The following ADGRV1 variants were observed in gnomAD, a reference collection of about 807,000 sequenced individuals.
ADGRV1 encodes adhesion G protein-coupled receptor V1.
A neutral mutation model predicts 596.2 loss-of-function variants in ADGRV1; 359 were observed. The observed-to-expected ratio is 0.60, with a 90% CI of 0.55 to 0.66. The LOEUF (loss-of-function observed/expected upper bound fraction) is 0.66. Among genes scored for constraint, ADGRV1 ranks in the 30% least tolerant of loss-of-function variants. The pLI, the probability that ADGRV1 is intolerant of heterozygous loss-of-function variation, is 0.00. For missense variants in ADGRV1, 7,274 were observed against 7,575.6 expected, an observed-to-expected ratio of 0.96 and a Z score of 1.48; for synonymous variants, 2,681 against 2,679.2, an observed-to-expected ratio of 1.00 and a Z score of -0.02.
At chr5:90,725,877 T>A (rs1206531614) in intron 48 of ADGRV1, among the ~76,000 whole-genome samples, 2 of 152,164 alleles carry the variant, frequency 1.3e-5, no homozygotes, top group East Asian at 3.9e-4. Flanking sequence ...AATGTAACAA[T>A]AAAAATGAAC....
rs1319808674 is a variant in ADGRV1, at chr5:90,941,730, T to C, written c.17857-23685T>C. Among the ~76,000 whole-genome samples, 4 of 152,322 alleles carry C rather than the reference T, an allele frequency of 2.6e-5. No individual in the cohort carries two copies. The East Asian group carries it at 5.8e-4, about 22-fold the overall frequency. Reference sequence around the variant, plus strand: ...CTCACCAGTTGAGTTCAGGTGCATATGAAATAAAACCCACAGCTAAGTTAG... The same window carrying C: ...CTCACCAGTTGAGTTCAGGTGCATACGAAATAAAACCCACAGCTAAGTTAG... On this transcript the variant is annotated intron_variant, in intron 83 of 89. Coordinates refer to ENST00000405460, the MANE Select transcript of ADGRV1 (RefSeq NM_032119.4).
rs758664211 is a variant in ADGRV1 at position 90,810,820 on chromosome 5, C to T, written c.15560C>T (p.Ala5187Val). ...GTTACTGAGGCAACTGGTGTATCTG[C>T]CATCCCTGAGAAACTTGTCACCCTT... ...AIVTEATGVS[A>V]IPEKLVTLHG... Residue 5187 changes from alanine (A) to valine (V), a missense_variant, in exon 74 of 90, where the codon GCC (alanine) becomes GTC (valine). By Grantham distance (64) the Ala-to-Val change is moderately conservative. Coordinates refer to ENST00000405460, the MANE Select transcript of ADGRV1 (RefSeq NM_032119.4). The T allele has an allele frequency of 5.6e-6, 9 of 1,614,022 alleles. No individual in the cohort carries two copies. The South Asian group carries it at 9.9e-5, about 18-fold the overall frequency.
chr5:90,614,211 C>T, intron 1 of ADGRV1: 1 of 365,920 alleles, frequency 2.7e-6, no homozygotes, highest in Non-Finnish European at 5.2e-6. Flanking sequence ...TATACTTTGG[C>T]AAATTTAAAG....
intron 21 of ADGRV1, among the ~76,000 whole-genome samples, chr5:90,661,140 T>C (rs1770226365): frequency 6.6e-6 from 1 of 152,208 alleles, no homozygotes; most frequent in African/African-American, 2.4e-5. Context: ...TATTTTGTTG[T>C]TCTGTGTATT....
intron 86 of ADGRV1, among the ~76,000 whole-genome samples, chr5:91,089,425 T>TA (rs11403493): frequency 0.11 from 16,865 of 149,892 alleles, 1,296 homozygotes; most frequent in Admixed American, 0.25. Context: ...GCAAGGGAAG[T>TA]AAAAAAAAAA....
intron 67 of ADGRV1, 138 bp downstream of exon 67, chr5:90,784,195 C>G: frequency 1.7e-6 from 1 of 605,444 alleles, no homozygotes; most frequent in Non-Finnish European, 2.8e-6. Flanking sequence ...TGTACAGCAG[C>G]TTTTGAGCCA....
chr5:91,040,630 T>C (rs1785261675), intron 85 of ADGRV1, among the ~76,000 whole-genome samples: 1 of 152,204 alleles, frequency 6.6e-6, no homozygotes, highest in Non-Finnish European at 1.5e-5. Flanking sequence ...GCCAACTTTC[T>C]AGCTGCTGTG....
At chr5:90,849,674 G>A (rs1431974031) in intron 79 of ADGRV1, among the ~76,000 whole-genome samples, 3 of 152,154 alleles carry the variant, frequency 2.0e-5, no homozygotes, top group East Asian at 3.8e-4. Flanking sequence ...ACAAGCGTGA[G>A]CCACTGTGCC....
chr5:90,672,565 C>T lies in ADGRV1; in HGVS notation c.4772C>T (p.Thr1591Ile), dbSNP rs1446233406. The change falls in exon 22 of 90, where the codon ACC becomes ATC. Residue 1591 changes from threonine to isoleucine, a missense_variant. By Grantham distance (89) the Thr-to-Ile change is moderately conservative. Around this residue, in one of 5 missense-constraint regions of ADGRV1, gnomAD observed 3,643 missense variants for 3,809.2 expected, o/e 0.96. Transcript: ENST00000405460. The part of the protein sequence containing the change: ...CIPEIAEEGS[T>I]ISCVVERTRG... ...TTTCAGATTGCAGAGGAGGGATCAACCATTTCTTGTGTGGTTGAGAGAACC... is the reference window on the plus strand; with the variant it reads ...TTTCAGATTGCAGAGGAGGGATCAATCATTTCTTGTGTGGTTGAGAGAACC... 1.2e-6 allele frequency: 2 copies of T among 1,613,536 alleles called. No individual in the cohort carries two copies. The highest frequency in any genetic ancestry group is 1.7e-5 in the Admixed American group (1 of 59,980).
At chr5:90,640,830 T>G (rs1766875525) in intron 11 of ADGRV1, 1 of 152,626 alleles carries the variant, frequency 6.6e-6, no homozygotes, top group South Asian at 2.1e-4. Context: ...CTTTCTGTGT[T>G]GACAGGGTAG....
At chr5:90,593,243 C>T (rs943515016) in intron 1 of ADGRV1, among the ~76,000 whole-genome samples, 2 of 152,178 alleles carry the variant, frequency 1.3e-5, no homozygotes, top group African/African-American at 4.8e-5. Context: ...AAATGTGGCA[C>T]ATATACGCCA....
At chr5:90,622,965 T>C (rs1764283143) in intron 5 of ADGRV1, among the ~76,000 whole-genome samples, 3 of 152,162 alleles carry the variant, frequency 2.0e-5, no homozygotes, top group Admixed American at 2.0e-4. Flanking sequence ...GGTCTTGAAC[T>C]CCTGGCCTCA....
At chr5:90,714,600 C>T (rs1749835202) in intron 42 of ADGRV1, among the ~76,000 whole-genome samples, 1 of 151,808 alleles carries the variant, frequency 6.6e-6, no homozygotes, top group Non-Finnish European at 1.5e-5. Flanking sequence ...TACATTATTG[C>T]ACATATCAGG....
At chr5:90,704,843 A>T (rs1265498368) in intron 36 of ADGRV1, among the ~76,000 whole-genome samples, 3 of 151,572 alleles carry the variant, frequency 2.0e-5, no homozygotes, top group Non-Finnish European at 2.9e-5. Context: ...ACAGGGTCTC[A>T]CTCTGTCACC....
At chr5:90,814,951 T>C (rs1469592799) in intron 74 of ADGRV1, among the ~76,000 whole-genome samples, 1 of 149,770 alleles carries the variant, frequency 6.7e-6, no homozygotes, top group Non-Finnish European at 1.5e-5. Flanking sequence ...AGTGATGATT[T>C]CTGTATAGTA....
chr5:90,763,360 C>T lies in ADGRV1; in HGVS notation c.12176C>T (p.Thr4059Met), dbSNP rs376833921. 3.9e-5 allele frequency: 63 copies of T among 1,611,660 alleles called. No homozygotes were observed. The highest frequency in any genetic ancestry group is 6.7e-5 in the African/African-American group (5 of 74,734). The change falls in exon 59 of 90, where the codon ACG (threonine) becomes ATG (methionine). Residue 4059 changes from threonine (T) to methionine (M), a missense_variant. Physicochemically the swap from Thr to Met is moderately conservative, Grantham distance 81 (BLOSUM62 -1). Coordinates refer to ENST00000405460, the MANE Select transcript of ADGRV1 (RefSeq NM_032119.4). Reference sequence around the variant, plus strand: ...GACCCTGATTCATATGTGACATTGACGGTTGTCCGGTCCCCAGGAGGAAAA... The same window carrying T: ...GACCCTGATTCATATGTGACATTGATGGTTGTCCGGTCCCCAGGAGGAAAA... ...SDDPDSYVTL[T>M]VVRSPGGKGT... is the part of the protein sequence containing the mutation.
intron 83 of ADGRV1, among the ~76,000 whole-genome samples, chr5:90,893,923 A>T (rs1771062794): frequency 6.6e-6 from 1 of 152,190 alleles, no homozygotes; most frequent in South Asian, 2.1e-4. Context: ...TATCTTAACA[A>T]TTAATGTTGC....
rs1018897781 is a variant in ADGRV1 at position 90,811,063 on chromosome 5, A to G, written c.15803A>G (p.Gln5268Arg). 2 of 1,613,934 alleles carry G rather than the reference A, an allele frequency of 1.2e-6. No homozygotes were observed. Among genetic ancestry groups the G allele is most frequent in the Non-Finnish European group, 1.7e-6 (2 of 1,179,892 alleles). Residue 5268 changes from glutamine to arginine, a missense_variant, in exon 74 of 90, where the codon CAG becomes CGG. Physicochemically the swap from Gln to Arg is conservative, Grantham distance 43. Coordinates refer to ENST00000405460, the MANE Select transcript of ADGRV1 (RefSeq NM_032119.4). ...TVKTFGERCAQMEPNALPFRG... is the reference protein window; with the variant it reads ...TVKTFGERCARMEPNALPFRG... ...AAAACTTTCGGTGAAAGATGTGCTCAGATGGAACCAAATGCATTGCCCTTT... is the reference window on the plus strand; with the variant it reads ...AAAACTTTCGGTGAAAGATGTGCTCGGATGGAACCAAATGCATTGCCCTTT...
chr5:90,627,515 A>G lies in ADGRV1; in HGVS notation c.977A>G (p.Gln326Arg). The stretch of plus-strand genomic sequence containing the variant: ...CAAAATCTGGACTTCATTGATCTTC[A>G]GCCAAACACAACTGTTGTTTTTCCA... ...AQQNLDFIDLQPNTTVVFPPF... is the reference protein window; with the variant it reads ...AQQNLDFIDLRPNTTVVFPPF... The change falls in exon 7 of 90, where the codon CAG (glutamine) becomes CGG (arginine). Residue 326 changes from glutamine to arginine, a missense_variant. This residue lies in a region of ADGRV1 where 1,715 missense variants were observed against 1,708.8 expected (regional missense o/e 1.00). Coordinates refer to ENST00000405460, the MANE Select transcript of ADGRV1 (RefSeq NM_032119.4). 6.2e-7 allele frequency: 1 copy of G among 1,613,948 alleles called. No homozygotes were observed. The highest frequency in any genetic ancestry group is 2.2e-5 in the East Asian group (1 of 44,864).
Sources: gnomAD v4.1 joint callset for allele counts (sites outside exome capture counted in the v4.1 genomes callset) on GRCh38, gnomAD v4.1.1 for gene constraint, gnomAD v4.1.1 regional missense constraint, MANE v1.5 for transcripts, NCBI Gene and HGNC (gene_info 2026-07-23, HGNC 2026-07-21) for gene names.